Variants in ANKRD30B observed in about 807,000 individuals in gnomAD.
ANKRD30B encodes ankyrin repeat domain 30B.
A neutral mutation model predicts 202.2 loss-of-function variants in ANKRD30B; 144 were observed. The ratio of observed to expected loss-of-function variants is 0.71; its 90% CI spans 0.62 to 0.82. The LOEUF (loss-of-function observed/expected upper bound fraction) is 0.82. ANKRD30B is among the 40% of genes least tolerant of loss of function. ANKRD30B has a pLI of 0.00. For synonymous variants in ANKRD30B, 508 were observed against 561.3 expected, an observed-to-expected ratio of 0.91 and a Z score of 1.34; for missense variants, 1,487 against 1,669.1, an observed-to-expected ratio of 0.89 and a Z score of 1.90.
chr18:14,866,863 C>T, the ANKRD30B span, among the ~76,000 whole-genome samples: 14 of 151,636 alleles, frequency 9.2e-5, no homozygotes, highest in South Asian at 1.3e-3. Context: ...GCACTACCAG[C>T]GGCGGGTGGC....
chr18:14,935,376 C>T, the ANKRD30B span, among the ~76,000 whole-genome samples: 6 of 152,210 alleles, frequency 3.9e-5, no homozygotes, highest in African/African-American at 1.4e-4. Flanking sequence ...GTGGCTGCTC[C>T]TCCAGAAGGT....
chr18:14,880,569 T>TC, the ANKRD30B span, among the ~76,000 whole-genome samples: 1 of 149,420 alleles, frequency 6.7e-6, no homozygotes, highest in Non-Finnish European at 1.5e-5. Context: ...TTTCTTGGTT[T>TC]TTTTTTTTTT....
Position 14,837,660 on chromosome 18 carries a change from CA to C in ANKRD30B, c.2974del (p.Thr992LeufsTer9). 1.3e-6 allele frequency: 2 copies of C among 1,540,010 alleles called. No homozygotes were observed. The highest frequency in any genetic ancestry group is 1.7e-6 in the Non-Finnish European group (2 of 1,144,554). On this transcript the variant is annotated frameshift_variant, in exon 36 of 44. Coordinates refer to ENST00000690538, the MANE Select transcript of ANKRD30B (RefSeq NM_001367607.2). LOFTEE classifies it high-confidence loss of function. ...TTAGGAAGAAAAGAAGATACAAAATCAACTTCAGATTCTGAGGTACTGTGTA... is the reference window on the plus strand; with the variant it reads ...TTAGGAAGAAAAGAAGATACAAAATCACTTCAGATTCTGAGGTACTGTGTA... ...SELGRKEDTKSTSDSEIISVS... is the reference protein window; with the variant it reads ...SELGRKEDTKXTSDSEIISVS...
At chr18:14,820,483 G>GCCCACAGT (rs1970358887) in intron 30 of ANKRD30B, among the ~76,000 whole-genome samples, 1 of 152,118 alleles carries the variant, frequency 6.6e-6, no homozygotes, top group Non-Finnish European at 1.5e-5. Context: ...CATTCAGTAT[G>GCCCACAGT]ATATTGGCTG....
chr18:14,852,068 A>G lies in ANKRD30B; in HGVS notation c.4124A>G (p.Glu1375Gly). ...NLNYAGDDLR[E>G]NALVSEHAQR... ...AATTATGCAGGAGATGATCTAAGAG[A>G]AAATGCATTGGTTTCAGAACATGCA... Residue 1375 changes from glutamate (E) to glycine (G), a missense_variant, in exon 42 of 44, where the codon GAA becomes GGA. By Grantham distance (98) the Glu-to-Gly change is moderately conservative (BLOSUM62 -2). Around this residue, in one of 6 missense-constraint regions of ANKRD30B, gnomAD observed 182 missense variants for 216.0 expected, o/e 0.84. Coordinates refer to ENST00000690538, the MANE Select transcript of ANKRD30B (RefSeq NM_001367607.2). 6.2e-7 allele frequency: 1 copy of G among 1,609,710 alleles called. No homozygotes were observed. Among genetic ancestry groups the G allele is most frequent in the Non-Finnish European group, 8.5e-7 (1 of 1,177,418 alleles).
At position 14,809,966 on chromosome 18, in the gene ANKRD30B, A is replaced by G. The variant is rs1341266036; in HGVS notation, c.2387-20A>G. ...GTCAGGCTTGCATATAATCAATTAT[A>G]TATGTCCCTTTTCTTTTAGAGTCTC... On this transcript the variant is annotated intron_variant, in intron 26 of 43. Transcript: ENST00000690538. The G allele has an allele frequency of 1.4e-6, 2 of 1,410,572 alleles. No individual in the cohort carries two copies. The highest frequency in any genetic ancestry group is 2.0e-6 in the Non-Finnish European group (2 of 1,006,354). The allele number at this position is 1,410,572 out of a possible 1,614,324, so 87.4% of individuals were successfully genotyped here.
intron 3 of ANKRD30B, among the ~76,000 whole-genome samples, chr18:14,754,488 T>G (rs1447281385): frequency 6.6e-6 from 1 of 152,128 alleles, no homozygotes; most frequent in Non-Finnish European, 1.5e-5. Context: ...GTAATTATTC[T>G]TTGGAATATA....
chr18:14,931,505 T>C, the ANKRD30B span, among the ~76,000 whole-genome samples: 2 of 152,168 alleles, frequency 1.3e-5, no homozygotes, highest in African/African-American at 4.8e-5. Context: ...TCACATGCTG[T>C]TTCAGCAGGC....
At chr18:14,915,769 C>T in the ANKRD30B span, 1 of 152,172 alleles carries the variant, frequency 6.6e-6, no homozygotes, top group Admixed American at 6.5e-5. Flanking sequence ...AGCACATATA[C>T]TTCAAAATGT....
At chr18:14,827,721 ACTTT>A (rs577304047) in intron 32 of ANKRD30B, among the ~76,000 whole-genome samples, 1 of 152,170 alleles carries the variant, frequency 6.6e-6, no homozygotes, top group Non-Finnish European at 1.5e-5. Context: ...TAGAAATTAT[ACTTT>A]CTAAGTTTGA....
In ANKRD30B at chr18:14,752,618, C is replaced by A. The variant is rs1913630350; in HGVS notation, c.274C>A (p.Leu92Met). ...VNGHAEVVTF[L>M]VDRKCQLNVL... ...TGGCCATGCAGAAGTAGTAACATTT[C>A]TGGTAGACAGAAAGTGCCAGCTTAA... is the stretch of plus-strand genomic sequence containing the variant. The change falls in exon 2 of 44, where the codon CTG becomes ATG. Residue 92 changes from leucine to methionine, a missense_variant. Transcript: ENST00000690538. 6.2e-7 allele frequency: 1 copy of A among 1,612,118 alleles called. No homozygotes were observed. The highest frequency in any genetic ancestry group is 1.3e-5 in the African/African-American group (1 of 74,886).
chr18:14,922,029 C>G, the ANKRD30B span, among the ~76,000 whole-genome samples: 1 of 152,156 alleles, frequency 6.6e-6, no homozygotes, highest in Non-Finnish European at 1.5e-5. Flanking sequence ...CAAAGTACAT[C>G]CTTTTAACTT....
chr18:14,790,708 A>G (rs1049308900), intron 15 of ANKRD30B, among the ~76,000 whole-genome samples: 4 of 152,096 alleles, frequency 2.6e-5, no homozygotes, highest in Non-Finnish European at 1.5e-5. Context: ...ATTTGCGTAT[A>G]TTGAACCAGC....
In ANKRD30B at chr18:14,799,130, G is replaced by C. The variant is rs1301544864; in HGVS notation, c.2058+1G>C. On this transcript the variant is annotated splice_donor_variant, in intron 21 of 43. Coordinates refer to ENST00000690538, the MANE Select transcript of ANKRD30B (RefSeq NM_001367607.2). LOFTEE classifies it high-confidence loss of function. ...TCCTGATAATGATGGTCTTCTGAAG[G>C]TAATAACTTTTATATTTTTATCTTG... 2 of 1,578,942 alleles carry C rather than the reference G, an allele frequency of 1.3e-6. No homozygotes were observed. The highest frequency in any genetic ancestry group is 1.7e-6 in the Non-Finnish European group (2 of 1,150,862).
chr18:14,762,525 C>T (rs1915415519), intron 6 of ANKRD30B, among the ~76,000 whole-genome samples: 2 of 152,164 alleles, frequency 1.3e-5, no homozygotes, highest in South Asian at 4.1e-4. Context: ...TTATCAACTT[C>T]ATTCCGTCTA....
chr18:14,760,747 T>G lies in ANKRD30B; in HGVS notation c.820+129T>G, dbSNP rs931170352. On this transcript the variant is annotated intron_variant, in intron 6 of 43. Coordinates refer to ENST00000690538, the MANE Select transcript of ANKRD30B (RefSeq NM_001367607.2). ...GTTTACATATATACATATATGTGGG[T>G]GTGTGTGTGTATATATATGTATACA... The G allele has an allele frequency of 9.4e-5, 54 of 575,666 alleles. 1 individual carries two copies. The highest frequency in any genetic ancestry group is 1.5e-4 in the Non-Finnish European group (47 of 323,470). The allele number at this position is 575,666 out of a possible 1,614,324, so 35.7% of individuals were successfully genotyped here.
chr18:14,878,708 C>T, the ANKRD30B span, among the ~76,000 whole-genome samples: 3 of 152,158 alleles, frequency 2.0e-5, no homozygotes, highest in African/African-American at 7.2e-5. Context: ...TGCTTCTTTT[C>T]CTGGGTTTCT....
At chr18:14,935,717 A>T in the ANKRD30B span, among the ~76,000 whole-genome samples, 1 of 152,210 alleles carries the variant, frequency 6.6e-6, no homozygotes, top group South Asian at 2.1e-4. Flanking sequence ...GCATATGTGT[A>T]CCTGCATGCA....
chr18:14,854,160 T>C (rs1971997061), intron 43 of ANKRD30B, among the ~76,000 whole-genome samples, 32 bp from the exon 44 acceptor site: 1 of 152,148 alleles, frequency 6.6e-6, no homozygotes, highest in Non-Finnish European at 1.5e-5. Context: ...ACTGTGGCTA[T>C]CATTCTGCAA....
Sources: gnomAD v4.1 joint callset for allele counts (sites outside exome capture counted in the v4.1 genomes callset) on GRCh38, gnomAD v4.1.1 for gene constraint, gnomAD v4.1.1 regional missense constraint, MANE v1.5 for transcripts, NCBI Gene and HGNC (gene_info 2026-07-23, HGNC 2026-07-21) for gene names.